The following PRSS38 variants were observed in gnomAD, a reference collection of about 807,000 sequenced individuals.
PRSS38 encodes serine protease 38, also known as marapsin 2.
A neutral mutation model predicts 26.8 loss-of-function variants in PRSS38; 22 were observed. The observed-to-expected ratio is 0.82, with a 90% CI of 0.59 to 1.17. The LOEUF (loss-of-function observed/expected upper bound fraction) is 1.17. PRSS38 is among the 50% of genes most tolerant of loss of function. PRSS38 has a pLI of 0.00. For synonymous variants in PRSS38, 175 were observed against 172.1 expected, an observed-to-expected ratio of 1.02 and a Z score of -0.13; for missense variants, 427 against 422.7, an observed-to-expected ratio of 1.01 and a Z score of -0.09.
At chr1:227,815,786 G>C (rs1221958315) in exon 1 of PRSS38, 1 of 1,612,436 alleles carries the variant, frequency 6.2e-7, no homozygotes, top group Non-Finnish European at 8.5e-7. Context: ...GCTGCTCCTG[G>C]TGGTGGCCCC....
chr1:227,844,052 G>C (rs554095191), intron 3 of PRSS38, among the ~76,000 whole-genome samples: 1 of 152,286 alleles, frequency 6.6e-6, no homozygotes, highest in African/African-American at 2.4e-5. Context: ...CAACTCCCCA[G>C]ACTGTTCTGT....
intron 3 of PRSS38, among the ~76,000 whole-genome samples, chr1:227,825,753 C>T (rs1241936208): frequency 6.6e-6 from 1 of 152,100 alleles, no homozygotes; most frequent in Non-Finnish European, 1.5e-5. Context: ...TGTTCTTGTA[C>T]CAGTACCATG....
chr1:227,845,935 A>T lies in PRSS38; in HGVS notation c.727-19A>T. 1 of 1,610,920 alleles carries T rather than the reference A, an allele frequency of 6.2e-7. No homozygotes were observed. The highest frequency in any genetic ancestry group is 8.5e-7 in the Non-Finnish European group (1 of 1,179,230). ...GCCTGGGACTCCCAGTTCACAAAAA[A>T]CTCCCTCTTCCTTTCTAGGGCGACT... On this transcript the variant is annotated intron_variant, in intron 4 of 4. Transcript: ENST00000366757.
chr1:227,817,564 G>C (rs1664941948), intron 3 of PRSS38, 84 bp downstream of exon 3: 1 of 1,437,974 alleles, frequency 7.0e-7, no homozygotes, highest in Non-Finnish European at 9.6e-7. Flanking sequence ...CAGCTAAGGG[G>C]GTCCAGGTGT....
chr1:227,822,467 G>A (rs911297970), intron 3 of PRSS38, among the ~76,000 whole-genome samples: 1 of 152,082 alleles, frequency 6.6e-6, no homozygotes, highest in Non-Finnish European at 1.5e-5. Context: ...ATATGTGGCT[G>A]AATATTGATT....
chr1:227,824,999 T>G (rs778345873), intron 3 of PRSS38, among the ~76,000 whole-genome samples: 2 of 152,178 alleles, frequency 1.3e-5, no homozygotes, highest in African/African-American at 4.8e-5. Context: ...ATTGCAAAAT[T>G]TTTCTCCCAT....
At chr1:227,828,687 C>T (rs932588293) in intron 3 of PRSS38, among the ~76,000 whole-genome samples, 3 of 152,180 alleles carry the variant, frequency 2.0e-5, no homozygotes, top group Non-Finnish European at 4.4e-5. Context: ...AGCACAGCTG[C>T]ACTACCAAGA....
At position 227,816,221 on chromosome 1, in the gene PRSS38, T is replaced by C. The variant is rs376458952; in HGVS notation, c.280T>C (p.Trp94Arg). The change falls in exon 2 of 5, where the codon TGG becomes CGG. Residue 94 changes from tryptophan to arginine, a missense_variant. Coordinates refer to ENST00000366757, the Ensembl canonical transcript of PRSS38. The surrounding 1 kb of genome is among the most constrained non-coding windows in gnomAD (Gnocchi z 5.1). ...CGGCGGCTCCATCCTCAATGAGTAC[T>C]GGGTGCTGTCAGCTGCGCACTGCTT... 19 of 1,613,420 alleles carry C rather than the reference T, an allele frequency of 1.2e-5. No homozygotes were observed. The highest frequency in any genetic ancestry group is 1.7e-5 in the Admixed American group (1 of 59,988).
At chr1:227,845,401 G>C in intron 3 of PRSS38, 69 bp from the exon 4 acceptor site, 1 of 1,123,466 alleles carries the variant, frequency 8.9e-7, no homozygotes, top group Non-Finnish European at 1.3e-6. Flanking sequence ...GGTGTCCACT[G>C]TGGGGCAGGG....
chr1:227,816,293 C>G lies in PRSS38; in HGVS notation c.311+41C>G, dbSNP rs773192167. 6.3e-7 allele frequency: 1 copy of G among 1,585,254 alleles called. No homozygotes were observed. The highest frequency in any genetic ancestry group is 1.1e-5 in the South Asian group (1 of 88,550). ...CCTGGGATGGTGTGGGTAGCTGGGC[C>G]TGCACGGAGTGCCCACAGCGGCTTG... On this transcript the variant is annotated intron_variant, in intron 2 of 4. Transcript: ENST00000366757. This position sits in a 1 kb window ranked among gnomAD's most constrained non-coding sequence, Gnocchi z 5.1.
chr1:227,835,050 AACAT>A (rs1428071126), intron 3 of PRSS38, among the ~76,000 whole-genome samples: 2 of 152,208 alleles, frequency 1.3e-5, no homozygotes, highest in Non-Finnish European at 2.9e-5. Flanking sequence ...CTCCAAAGAT[AACAT>A]GTAAATGGTC....
At chr1:227,818,675 C>CA (rs71180764) in intron 3 of PRSS38, among the ~76,000 whole-genome samples, 6,535 of 60,086 alleles carry the variant, frequency 0.11, 831 homozygotes, top group East Asian at 0.31. Flanking sequence ...GACCTTCTCT[C>CA]AAAAAAAAAA....
At chr1:227,844,839 C>T (rs1280587899) in intron 3 of PRSS38, among the ~76,000 whole-genome samples, 2 of 148,502 alleles carry the variant, frequency 1.3e-5, no homozygotes, top group Admixed American at 6.7e-5. Context: ...CAGTGGGGCT[C>T]CTCCCTATGT....
At chr1:227,846,290 G>C in exon 5 of PRSS38, 1 of 1,538,846 alleles carries the variant, frequency 6.5e-7, no homozygotes, top group Non-Finnish European at 8.7e-7. Flanking sequence ...AGCATCTCCT[G>C]TCCTGGCCTC....
chr1:227,824,598 C>T (rs1298662398), intron 3 of PRSS38, among the ~76,000 whole-genome samples: 1 of 152,090 alleles, frequency 6.6e-6, no homozygotes, highest in Non-Finnish European at 1.5e-5. Flanking sequence ...AATGAGATTG[C>T]TGGGTCAGAT....
chr1:227,824,604 C>G (rs1665045664), intron 3 of PRSS38, among the ~76,000 whole-genome samples: 1 of 152,108 alleles, frequency 6.6e-6, no homozygotes. Context: ...ATTGCTGGGT[C>G]AGATAGTATT....
Position 227,831,838 on chromosome 1 carries a change from C to T in PRSS38, c.584-13632C>T, listed in dbSNP as rs138255417. ...CTGCACTCCAGTCTGAGTGACAGAG[C>T]GAGACTCCATCTCAAAAAAAAGAAA... is the stretch of plus-strand genomic sequence containing the variant. On this transcript the variant is annotated intron_variant, in intron 3 of 4. Coordinates refer to ENST00000366757, the Ensembl canonical transcript of PRSS38. Among the ~76,000 whole-genome samples, 309 of 151,756 alleles carry T rather than the reference C, an allele frequency of 2.0e-3. 2 individuals are homozygous for T. Among genetic ancestry groups the T allele is most frequent in the South Asian group, 0.01 (48 of 4,790 alleles).
intron 3 of PRSS38, among the ~76,000 whole-genome samples, chr1:227,839,013 A>G (rs1665277748): frequency 6.6e-6 from 1 of 152,142 alleles, no homozygotes; most frequent in Admixed American, 6.5e-5. Context: ...GCCAAGGAAT[A>G]AGTGTTCTGG....
At chr1:227,829,443 T>C (rs1665120609) in intron 3 of PRSS38, among the ~76,000 whole-genome samples, 1 of 152,216 alleles carries the variant, frequency 6.6e-6, no homozygotes, top group African/African-American at 2.4e-5. Flanking sequence ...TTGAAAAATG[T>C]CTATTCCTTT....
Sources: allele counts gnomAD v4.1 joint callset (sites outside exome capture counted in the v4.1 genomes callset), GRCh38; gene constraint gnomAD v4.1.1; non-coding constraint Gnocchi (gnomAD v3.1); transcripts MANE v1.5; gene names NCBI Gene and HGNC (gene_info 2026-07-23, HGNC 2026-07-21).